The following STRN3 variants were observed in gnomAD, a reference collection of about 807,000 sequenced individuals.
STRN3 encodes striatin 3.
In STRN3, 29 loss-of-function variants were observed where a neutral mutation model predicts 95.6. That is an observed-to-expected ratio of 0.30 (90% CI 0.23 to 0.41). The LOEUF is 0.41. Ranked by LOEUF, STRN3 falls within the 10% of genes least tolerant of loss-of-function variation. The probability of loss-of-function intolerance (pLI) is 1.00; values close to 1 mark genes in which losing one functional copy is unlikely to be tolerated. For missense variants in STRN3, 890 were observed against 972.1 expected, an observed-to-expected ratio of 0.92 and a Z score of 1.12; for synonymous variants, 331 against 357.6, an observed-to-expected ratio of 0.93 and a Z score of 0.84.
At chr14:30,949,765 G>A (rs1879549880) in intron 4 of STRN3, among the ~76,000 whole-genome samples, 1 of 152,148 alleles carries the variant, frequency 6.6e-6, no homozygotes, top group Non-Finnish European at 1.5e-5. Context: ...ATGAAGCAGA[G>A]CCTGAAGTGC....
At chr14:30,998,261 T>C (rs1257431848) in intron 1 of STRN3, among the ~76,000 whole-genome samples, 1 of 152,170 alleles carries the variant, frequency 6.6e-6, no homozygotes, top group Non-Finnish European at 1.5e-5. Flanking sequence ...ATGGGCACTT[T>C]TGGTCAAAAA....
In STRN3 at chr14:31,026,200, C is replaced by A. The variant is rs1479029277; in HGVS notation, c.-15G>T. The A allele has an allele frequency of 6.4e-6, 9 of 1,404,922 alleles. No individual in the cohort carries two copies. The highest frequency in any genetic ancestry group is 8.3e-6 in the Non-Finnish European group (9 of 1,089,024). The allele number at this position is 1,404,922 out of a possible 1,614,324, so 87.0% of individuals were successfully genotyped here. ...AGCTCGTCCATTGTGTGTGGGGCCC[C>A]GGCCGGGGCGCAGGGCGAGACGCCG... is the stretch of plus-strand genomic sequence containing the variant. On this transcript the variant is annotated 5_prime_UTR_variant, in exon 1 of 18. Coordinates refer to ENST00000357479, the MANE Select transcript of STRN3 (RefSeq NM_001083893.2).
At position 30,915,435 on chromosome 14, in the gene STRN3, CAG is replaced by C. The variant is rs531665151; in HGVS notation, c.1241-1780_1241-1779del. The stretch of plus-strand genomic sequence containing the variant: ...CTAAAATGAATCTGAAAGCACCTGA[CAG>C]AAAATATATAGAGATATTAAGTAGT... On this transcript the variant is annotated intron_variant, in intron 9 of 17. Transcript: ENST00000357479. 1.9e-3 allele frequency among the ~76,000 whole-genome samples: 290 copies of C among 152,174 alleles called. 2 individuals carry two copies. Among genetic ancestry groups the C allele is most frequent in the Middle Eastern group, 0.014 (4 of 292 alleles).
intron 9 of STRN3, among the ~76,000 whole-genome samples, chr14:30,916,583 G>A (rs1259656997): frequency 6.6e-6 from 1 of 152,128 alleles, no homozygotes; most frequent in East Asian, 1.9e-4. Context: ...CCTAAAAAAA[G>A]TAGTTTTAAT....
chr14:30,941,879 G>A (rs1202405871), intron 5 of STRN3, among the ~76,000 whole-genome samples: 1 of 152,186 alleles, frequency 6.6e-6, no homozygotes, highest in African/African-American at 2.4e-5. Flanking sequence ...GCCCACCTCA[G>A]CCTCCCAAAG....
intron 1 of STRN3, among the ~76,000 whole-genome samples, chr14:31,003,301 T>A (rs1296301769): frequency 4.0e-5 from 6 of 150,164 alleles, no homozygotes; most frequent in Non-Finnish European, 8.9e-5. Flanking sequence ...GAGAAAGTGG[T>A]TAAGATGGTA....
At chr14:30,931,439 A>G (rs1878533367) in intron 7 of STRN3, among the ~76,000 whole-genome samples, 1 of 152,222 alleles carries the variant, frequency 6.6e-6, no homozygotes, top group Admixed American at 6.5e-5. Context: ...TGACAGCTCA[A>G]ACCCACAAAA....
At chr14:30,915,216 A>G (rs1228740970) in intron 9 of STRN3, among the ~76,000 whole-genome samples, 1 of 152,206 alleles carries the variant, frequency 6.6e-6, no homozygotes, top group Non-Finnish European at 1.5e-5. Context: ...AACAGGTGTA[A>G]TGAAACTTGA....
At position 31,026,021 on chromosome 14, in the gene STRN3, G is replaced by C; in HGVS notation, c.165C>G (p.Pro55=). ...ASEGAGPAAG[P]ELSRPQQYTI... Reference sequence around the variant, plus strand: ...TGTACTGCTGCGGCCGGGACAGCTCGGGGCCTGCCGCGGGACCCGCTCCCT... The same window carrying C: ...TGTACTGCTGCGGCCGGGACAGCTCCGGGCCTGCCGCGGGACCCGCTCCCT... Residue 55 remains proline (P), a synonymous_variant, in exon 1 of 18, where the codon CCC becomes CCG. Transcript: ENST00000357479. The C allele has an allele frequency of 6.5e-7, 1 of 1,541,768 alleles. No homozygotes were observed. Among genetic ancestry groups the C allele is most frequent in the Non-Finnish European group, 8.7e-7 (1 of 1,143,132 alleles).
At chr14:30,949,485 C>A (rs1340787035) in intron 4 of STRN3, among the ~76,000 whole-genome samples, 1 of 152,086 alleles carries the variant, frequency 6.6e-6, no homozygotes, top group Non-Finnish European at 1.5e-5. Context: ...GTGGCATGCA[C>A]CTGTAGTCCC....
intron 1 of STRN3, among the ~76,000 whole-genome samples, chr14:31,019,292 T>C (rs774246690): frequency 2.0e-5 from 3 of 152,078 alleles, no homozygotes; most frequent in African/African-American, 4.8e-5. Context: ...CTGTGCAACA[T>C]AGTGAGACCC....
intron 1 of STRN3, among the ~76,000 whole-genome samples, chr14:30,962,272 T>C (rs576314859): frequency 1.7e-4 from 26 of 152,306 alleles, no homozygotes; most frequent in Middle Eastern, 3.4e-3. Context: ...AATGTGCTTG[T>C]TTTAAACTAA....
intron 8 of STRN3, among the ~76,000 whole-genome samples, chr14:30,926,080 C>G (rs574144967): frequency 2.0e-5 from 3 of 152,098 alleles, no homozygotes; most frequent in Admixed American, 1.3e-4. Flanking sequence ...GGCAAGGATT[C>G]AGAGCCAACA....
intron 1 of STRN3, among the ~76,000 whole-genome samples, chr14:30,998,467 A>AGACCAGAGGAG (rs1882303514): frequency 6.6e-6 from 1 of 152,234 alleles, no homozygotes; most frequent in Admixed American, 6.5e-5. Context: ...TGCTCAGAAA[A>AGACCAGAGGAG]GACCAGAGGA....
At chr14:30,983,257 G>A (rs1156658882) in intron 1 of STRN3, among the ~76,000 whole-genome samples, 1 of 152,052 alleles carries the variant, frequency 6.6e-6, no homozygotes, top group African/African-American at 2.4e-5. Context: ...CTTAACATAA[G>A]GCAGGCCGGG....
chr14:31,017,882 C>G (rs1883316846), intron 1 of STRN3, among the ~76,000 whole-genome samples: 1 of 151,890 alleles, frequency 6.6e-6, no homozygotes, highest in African/African-American at 2.4e-5. Flanking sequence ...TCAAGACCAG[C>G]CTGGCCAACA....
At chr14:30,967,685 C>T (rs1880601912) in intron 1 of STRN3, among the ~76,000 whole-genome samples, 1 of 152,236 alleles carries the variant, frequency 6.6e-6, no homozygotes, top group Non-Finnish European at 1.5e-5. Context: ...ATTGTGAGCA[C>T]ACCTCACCAG....
At chr14:30,971,012 G>A (rs1230441073) in intron 1 of STRN3, among the ~76,000 whole-genome samples, 4 of 152,188 alleles carry the variant, frequency 2.6e-5, no homozygotes, top group South Asian at 2.1e-4. Flanking sequence ...GGCACCCTGC[G>A]GGTCAGCCCC....
intron 1 of STRN3, among the ~76,000 whole-genome samples, chr14:30,984,966 T>C (rs1202103159): frequency 1.3e-5 from 2 of 152,260 alleles, no homozygotes; most frequent in South Asian, 4.1e-4. Flanking sequence ...TTATGAAGTA[T>C]CCTAAGCTTT....
Sources: gnomAD v4.1 joint callset for allele counts (sites outside exome capture counted in the v4.1 genomes callset) on GRCh38, gnomAD v4.1.1 for gene constraint, MANE v1.5 for transcripts, NCBI Gene and HGNC (gene_info 2026-07-23, HGNC 2026-07-21) for gene names.